Variants in HSD17B12 observed in about 807,000 individuals in gnomAD.
The protein encoded by HSD17B12 is hydroxysteroid 17-beta dehydrogenase 12.
A neutral mutation model predicts 39.3 loss-of-function variants in HSD17B12; 32 were observed. That is an observed-to-expected ratio of 0.81 (90% CI 0.61 to 1.09). HSD17B12 has a LOEUF of 1.09. HSD17B12 is among the 50% of genes least tolerant of loss of function. The probability of loss-of-function intolerance (pLI) is 0.00; values close to 1 mark genes in which losing one functional copy is unlikely to be tolerated. For missense variants in HSD17B12, 342 were observed against 382.9 expected, an observed-to-expected ratio of 0.89 and a Z score of 0.89; for synonymous variants, 150 against 146.7, an observed-to-expected ratio of 1.02 and a Z score of -0.16.
chr11:43,818,843 T>G (rs1951154709), intron 6 of HSD17B12, among the ~76,000 whole-genome samples: 1 of 152,210 alleles, frequency 6.6e-6, no homozygotes, highest in African/African-American at 2.4e-5. Flanking sequence ...AACTCAGAGC[T>G]GATACAGATT....
At chr11:43,854,488 C>A in intron 9 of HSD17B12, 1 of 464,142 alleles carries the variant, frequency 2.2e-6, no homozygotes, top group South Asian at 4.1e-5. Context: ...TTAATACTTT[C>A]TCTGGTCTCA....
chr11:43,654,315 G>C, the HSD17B12 span, among the ~76,000 whole-genome samples: 1 of 152,038 alleles, frequency 6.6e-6, no homozygotes. Flanking sequence ...AGATGAGTAG[G>C]TTGCAAAAAT....
At chr11:43,702,894 T>A (rs1236028689) in intron 1 of HSD17B12, among the ~76,000 whole-genome samples, 1 of 152,242 alleles carries the variant, frequency 6.6e-6, no homozygotes, top group Non-Finnish European at 1.5e-5. Flanking sequence ...TCTTTCCAGT[T>A]TGGCCCAGGG....
chr11:43,630,346 G>A, the HSD17B12 span, among the ~76,000 whole-genome samples: 1 of 152,136 alleles, frequency 6.6e-6, no homozygotes, highest in Admixed American at 6.5e-5. Context: ...GACAACCTGT[G>A]TTTCAGGATG....
intron 1 of HSD17B12, among the ~76,000 whole-genome samples, chr11:43,743,060 A>G (rs376415733): frequency 3.9e-5 from 6 of 152,212 alleles, no homozygotes; most frequent in Non-Finnish European, 8.8e-5. Context: ...AGTCATACAC[A>G]TAATAGTTTC....
chr11:43,772,912 A>G (rs181733366), intron 3 of HSD17B12, among the ~76,000 whole-genome samples: 19 of 152,216 alleles, frequency 1.2e-4, no homozygotes, highest in African/African-American at 4.1e-4. Flanking sequence ...GGCGTTTGAG[A>G]CCAGCCTGGG....
At chr11:43,578,655 G>A in the HSD17B12 span, among the ~76,000 whole-genome samples, 2 of 151,824 alleles carry the variant, frequency 1.3e-5, no homozygotes, top group Admixed American at 6.6e-5. Flanking sequence ...AAGTTGCGTG[G>A]TTGTGTTTAC....
the HSD17B12 span, among the ~76,000 whole-genome samples, chr11:43,606,227 A>G: frequency 6.6e-6 from 1 of 152,352 alleles, no homozygotes; most frequent in Middle Eastern, 3.4e-3. Context: ...ATGTACTCAT[A>G]TCGTTACAAT....
chr11:43,662,725 G>T, the HSD17B12 span, among the ~76,000 whole-genome samples: 2 of 152,090 alleles, frequency 1.3e-5, no homozygotes, highest in African/African-American at 4.8e-5. Context: ...TCCATCTATA[G>T]CCTGCAGGTA....
chr11:43,843,112 G>C (rs923308875), intron 9 of HSD17B12, among the ~76,000 whole-genome samples: 4 of 152,104 alleles, frequency 2.6e-5, no homozygotes, highest in African/African-American at 4.8e-5. Flanking sequence ...TTTGTCATAT[G>C]AATTCATTCA....
At chr11:43,715,785 T>C (rs181083191) in intron 1 of HSD17B12, among the ~76,000 whole-genome samples, 5 of 152,314 alleles carry the variant, frequency 3.3e-5, no homozygotes, top group African/African-American at 1.2e-4. Flanking sequence ...ATGTGGCCAG[T>C]GTGACTGACG....
At chr11:43,610,204 A>G in the HSD17B12 span, among the ~76,000 whole-genome samples, 1 of 152,206 alleles carries the variant, frequency 6.6e-6, no homozygotes, top group Admixed American at 6.5e-5. Flanking sequence ...AAATGGTACC[A>G]TAGAGACCCA....
chr11:43,772,223 T>C (rs1047423550), intron 3 of HSD17B12, among the ~76,000 whole-genome samples: 1 of 152,162 alleles, frequency 6.6e-6, no homozygotes, highest in Non-Finnish European at 1.5e-5. Flanking sequence ...TGATGGAGAG[T>C]AAATATGTTG....
Position 43,710,853 on chromosome 11 carries a change from C to T in HSD17B12, c.160+29866C>T, listed in dbSNP as rs377452825. Among the ~76,000 whole-genome samples, 45 of 152,192 alleles carry T rather than the reference C, an allele frequency of 3.0e-4. No homozygotes were observed. In the East Asian group the frequency reaches 5.6e-3, roughly 19 times the overall value. On this transcript the variant is annotated intron_variant, in intron 1 of 10. Coordinates refer to ENST00000278353, the MANE Select transcript of HSD17B12 (RefSeq NM_016142.3). The stretch of plus-strand genomic sequence containing the variant: ...TTGCCCAGACTGGAGTACAGTGGCA[C>T]GATCTCAGCTCACTGCAACCTCCAC...
At position 43,794,743 on chromosome 11, in the gene HSD17B12, T is replaced by C. The variant is rs541362866; in HGVS notation, c.284-3577T>C. ...TGATACTCCCACAATTAGGGCAACA[T>C]GAGTTTCACTGAAGGGGTAATTGTG... On this transcript the variant is annotated intron_variant, in intron 3 of 10. Coordinates refer to ENST00000278353, the MANE Select transcript of HSD17B12 (RefSeq NM_016142.3). Among the ~76,000 whole-genome samples, 3 of 152,324 alleles carry C rather than the reference T, an allele frequency of 2.0e-5. No homozygotes were observed. The South Asian group carries it at 6.2e-4, about 32-fold the overall frequency.
At chr11:43,807,154 A>C (rs183676480) in intron 4 of HSD17B12, among the ~76,000 whole-genome samples, 53 of 152,332 alleles carry the variant, frequency 3.5e-4, no homozygotes, top group Admixed American at 3.2e-3. Flanking sequence ...TAAACAAGTA[A>C]AATTCCAGAG....
At chr11:43,840,720 G>A (rs1951417416) in intron 9 of HSD17B12, among the ~76,000 whole-genome samples, 1 of 152,096 alleles carries the variant, frequency 6.6e-6, no homozygotes, top group Non-Finnish European at 1.5e-5. Context: ...TCCTTTTCAA[G>A]GCTGAATAAA....
At chr11:43,735,667 G>A (rs994563351) in intron 1 of HSD17B12, among the ~76,000 whole-genome samples, 1 of 152,008 alleles carries the variant, frequency 6.6e-6, no homozygotes, top group African/African-American at 2.4e-5. Flanking sequence ...TAGATGATTT[G>A]CAAATGTTTT....
At chr11:43,845,488 T>A (rs532752638) in intron 9 of HSD17B12, among the ~76,000 whole-genome samples, 1 of 152,286 alleles carries the variant, frequency 6.6e-6, no homozygotes, top group South Asian at 2.1e-4. Flanking sequence ...TCCTTTAACC[T>A]GGGATATATC....
Sources: allele counts gnomAD v4.1 joint callset (sites outside exome capture counted in the v4.1 genomes callset), GRCh38; gene constraint gnomAD v4.1.1; transcripts MANE v1.5; gene names NCBI Gene and HGNC (gene_info 2026-07-23, HGNC 2026-07-21).